Variants in CPNE4 observed in about 807,000 individuals in gnomAD.
The protein encoded by CPNE4 is copine 4.
CPNE4 carries 25 observed loss-of-function variants against 67.9 expected under a neutral mutation model. That is an observed-to-expected ratio of 0.37 (90% confidence interval 0.27 to 0.51). The LOEUF (loss-of-function observed/expected upper bound fraction) is 0.51. CPNE4 is among the 20% of genes least tolerant of loss of function. CPNE4 has a pLI of 0.93. For missense variants in CPNE4, 464 were observed against 690.8 expected, an observed-to-expected ratio of 0.67 and a Z score of 3.68; for synonymous variants, 242 against 244.9, an observed-to-expected ratio of 0.99 and a Z score of 0.11.
chr3:131,732,897 A>G (rs79139737), intron 2 of CPNE4, among the ~76,000 whole-genome samples: 16 of 152,190 alleles, frequency 1.1e-4, no homozygotes, highest in African/African-American at 2.9e-4. Context: ...CTTGTAATCC[A>G]TATGTGATTT....
chr3:131,680,749 T>C (rs1408406067), intron 6 of CPNE4, among the ~76,000 whole-genome samples: 1 of 152,146 alleles, frequency 6.6e-6, no homozygotes, highest in Non-Finnish European at 1.5e-5. Context: ...TGGTGATTTG[T>C]GAGATTTGGT....
At chr3:131,654,602 G>C (rs115889171) in intron 7 of CPNE4, among the ~76,000 whole-genome samples, 1,853 of 152,136 alleles carry the variant, frequency 0.012, 36 homozygotes, top group African/African-American at 0.043. Flanking sequence ...TTGTGCACTG[G>C]GGCCAGCTTT....
intron 3 of CPNE4, among the ~76,000 whole-genome samples, chr3:131,722,443 A>C (rs1301547532): frequency 2.7e-5 from 4 of 148,796 alleles, no homozygotes; most frequent in East Asian, 2.0e-4. Context: ...CCCACCCCAT[A>C]CCCCCCCACG....
chr3:131,717,920 TTC>T (rs2081766103), intron 3 of CPNE4, among the ~76,000 whole-genome samples: 1 of 146,568 alleles, frequency 6.8e-6, no homozygotes, highest in Non-Finnish European at 1.5e-5. Context: ...CTTTCTTTCT[TTC>T]TTTCTTTCTT....
intron 7 of CPNE4, among the ~76,000 whole-genome samples, chr3:131,661,624 C>G (rs962953626): frequency 6.6e-6 from 1 of 152,104 alleles, no homozygotes; most frequent in African/African-American, 2.4e-5. Context: ...AGATAAGTTC[C>G]AGGACATTTA....
At chr3:132,000,373 T>C (rs73871557) in intron 1 of CPNE4, among the ~76,000 whole-genome samples, 6,393 of 152,046 alleles carry the variant, frequency 0.042, 475 homozygotes, top group African/African-American at 0.15. Context: ...GCACATTGCA[T>C]TAATTTAACA....
chr3:131,777,768 T>C (rs1017679262), intron 2 of CPNE4, among the ~76,000 whole-genome samples: 9 of 152,092 alleles, frequency 5.9e-5, no homozygotes, highest in Admixed American at 2.0e-4. Context: ...ACCTTATGAA[T>C]GTAGGAGTGG....
At chr3:131,694,557 C>A (rs1341681250) in intron 5 of CPNE4, among the ~76,000 whole-genome samples, 6 of 152,108 alleles carry the variant, frequency 3.9e-5, no homozygotes. Flanking sequence ...TAAAAGAATG[C>A]AGCAGCAGTG....
At chr3:131,861,112 T>C (rs971740422) in intron 2 of CPNE4, among the ~76,000 whole-genome samples, 1 of 152,248 alleles carries the variant, frequency 6.6e-6, no homozygotes, top group Non-Finnish European at 1.5e-5. Flanking sequence ...CCAAACTTTA[T>C]AGAAAACCAC....
At chr3:131,776,850 C>A (rs2083302716) in intron 2 of CPNE4, among the ~76,000 whole-genome samples, 1 of 152,116 alleles carries the variant, frequency 6.6e-6, no homozygotes, top group African/African-American at 2.4e-5. Flanking sequence ...CCTCCCTCTG[C>A]CACATGGATA....
At chr3:131,876,872 C>T (rs947431349) in intron 2 of CPNE4, among the ~76,000 whole-genome samples, 1 of 152,114 alleles carries the variant, frequency 6.6e-6, no homozygotes, top group Non-Finnish European at 1.5e-5. Context: ...AGAAGATGCA[C>T]CAGCACCAGC....
At chr3:131,774,049 T>C (rs2083234716) in intron 2 of CPNE4, among the ~76,000 whole-genome samples, 1 of 152,114 alleles carries the variant, frequency 6.6e-6, no homozygotes, top group South Asian at 2.1e-4. Flanking sequence ...TTGAGACTAT[T>C]TCATTAAGGA....
intron 2 of CPNE4, among the ~76,000 whole-genome samples, chr3:131,880,332 A>G (rs9866113): frequency 0.62 from 93,782 of 151,678 alleles, 29,217 homozygotes; most frequent in Admixed American, 0.7. Context: ...AGCCAGGATG[A>G]TCTCGATCTC....
intron 2 of CPNE4, among the ~76,000 whole-genome samples, chr3:131,805,848 CCAGGAAAAAGAGAAAT>C (rs2084290172): frequency 6.6e-6 from 1 of 151,928 alleles, no homozygotes. Flanking sequence ...ATGCCCAAGT[CCAGGAAAAAGAGAAAT>C]AGACTCTGCC....
At chr3:131,636,176 C>G (rs893539779) in intron 7 of CPNE4, among the ~76,000 whole-genome samples, 1 of 152,162 alleles carries the variant, frequency 6.6e-6, no homozygotes, top group Non-Finnish European at 1.5e-5. Flanking sequence ...TGCAGGCTCC[C>G]TGAGATGCCA....
chr3:131,715,048 G>T (rs774046772), intron 3 of CPNE4, among the ~76,000 whole-genome samples: 2 of 152,084 alleles, frequency 1.3e-5, no homozygotes, highest in Non-Finnish European at 2.9e-5. Context: ...AAACCACTGA[G>T]AAGAGAAAAT....
chr3:131,575,972 T>C (rs1442614279), intron 9 of CPNE4, among the ~76,000 whole-genome samples: 4 of 152,168 alleles, frequency 2.6e-5, no homozygotes, highest in Non-Finnish European at 5.9e-5. Context: ...GTGATATTCA[T>C]GTATTCGTTT....
intron 5 of CPNE4, among the ~76,000 whole-genome samples, chr3:131,692,639 G>A (rs2081059498): frequency 6.6e-6 from 1 of 152,056 alleles, no homozygotes; most frequent in South Asian, 2.1e-4. Flanking sequence ...CTGAGCAGTG[G>A]GGACAGAGAT....
chr3:131,630,561 A>G (rs151298181), intron 7 of CPNE4, among the ~76,000 whole-genome samples: 14 of 152,342 alleles, frequency 9.2e-5, no homozygotes, highest in African/African-American at 3.1e-4. Flanking sequence ...TAGGCCCACC[A>G]CTAGACATAT....
Sources: gnomAD v4.1 joint callset for allele counts (sites outside exome capture counted in the v4.1 genomes callset) on GRCh38, gnomAD v4.1.1 for gene constraint, MANE v1.5 for transcripts, NCBI Gene and HGNC (gene_info 2026-07-23, HGNC 2026-07-21) for gene names.